Variants in COL24A1 observed in about 807,000 individuals in gnomAD.
COL24A1 encodes the protein collagen alpha-1(XXIV) chain.
In COL24A1, 224 loss-of-function variants were observed where a neutral mutation model predicts 253.9. That is an observed-to-expected ratio of 0.88 (90% CI 0.79 to 0.99). The LOEUF is 0.99. Among genes scored for constraint, COL24A1 ranks in the 50% least tolerant of loss-of-function variants. COL24A1 has a pLI of 0.00. For synonymous variants in COL24A1, 685 were observed against 673.7 expected (o/e 1.02, Z -0.26); for missense variants, 2,131 against 2,068.5 (o/e 1.03, Z -0.59).
chr1:86,150,599 C>A (rs556657595), intron 1 of COL24A1, among the ~76,000 whole-genome samples: 2 of 151,376 alleles, frequency 1.3e-5, no homozygotes, highest in African/African-American at 2.4e-5. Flanking sequence ...TTTTAGCTTT[C>A]TTGTCTCTGA....
At chr1:86,029,218 C>T (rs949377707) in intron 14 of COL24A1, among the ~76,000 whole-genome samples, 1 of 151,576 alleles carries the variant, frequency 6.6e-6, no homozygotes, top group African/African-American at 2.4e-5. Context: ...AGATAATATA[C>T]ACATAAGGGA....
intron 28 of COL24A1, among the ~76,000 whole-genome samples, chr1:85,904,220 A>G (rs568333588): frequency 6.6e-6 from 1 of 152,296 alleles, no homozygotes; most frequent in Non-Finnish European, 1.5e-5. Flanking sequence ...GTATGCCTCT[A>G]TACTGCCCCT....
chr1:85,843,783 G>T (rs879736134), intron 39 of COL24A1, among the ~76,000 whole-genome samples: 1 of 152,092 alleles, frequency 6.6e-6, no homozygotes. Flanking sequence ...AAGTGAATGC[G>T]TGTGGAAACT....
intron 12 of COL24A1, among the ~76,000 whole-genome samples, chr1:86,035,531 G>A (rs1250845889): frequency 6.6e-6 from 1 of 152,058 alleles, no homozygotes; most frequent in African/African-American, 2.4e-5. Context: ...AAATCCACAG[G>A]GACATAAAGT....
chr1:85,992,157 G>C (rs1199387527), intron 19 of COL24A1, among the ~76,000 whole-genome samples: 1 of 151,798 alleles, frequency 6.6e-6, no homozygotes, highest in East Asian at 1.9e-4. Flanking sequence ...CCACCTATGA[G>C]TGAGAACATG....
intron 8 of COL24A1, among the ~76,000 whole-genome samples, chr1:86,062,606 G>C (rs1392804952): frequency 6.6e-6 from 1 of 151,986 alleles, no homozygotes; most frequent in Non-Finnish European, 1.5e-5. Flanking sequence ...GAAGTATCAG[G>C]TTTCCTCCAT....
chr1:86,040,928 G>A (rs1699430512), intron 12 of COL24A1, among the ~76,000 whole-genome samples: 1 of 152,130 alleles, frequency 6.6e-6, no homozygotes, highest in Non-Finnish European at 1.5e-5. Flanking sequence ...GTATGTATCT[G>A]AGATGCTACT....
intron 53 of COL24A1, among the ~76,000 whole-genome samples, chr1:85,770,789 A>T (rs1037118848): frequency 6.6e-6 from 1 of 152,194 alleles, no homozygotes; most frequent in African/African-American, 2.4e-5. Context: ...AGTATAAGCT[A>T]CTTTGGTCAC....
At chr1:86,043,492 A>C (rs184856560) in intron 12 of COL24A1, among the ~76,000 whole-genome samples, 3 of 152,248 alleles carry the variant, frequency 2.0e-5, no homozygotes, top group Admixed American at 2.0e-4. Context: ...GCAGCACTAC[A>C]ATGAAACATC....
At chr1:85,797,507 G>T (rs1480714744) in intron 47 of COL24A1, among the ~76,000 whole-genome samples, 1 of 152,152 alleles carries the variant, frequency 6.6e-6, no homozygotes, top group African/African-American at 2.4e-5. Flanking sequence ...GTACACAAAG[G>T]CCAGAAAGTG....
chr1:85,843,799 C>T (rs549962913), intron 39 of COL24A1, among the ~76,000 whole-genome samples: 8 of 152,040 alleles, frequency 5.3e-5, no homozygotes, highest in Middle Eastern at 3.4e-3. Context: ...AAACTGTTGC[C>T]CCAAAAGCAG....
chr1:86,075,993 A>G (rs1439311781), intron 7 of COL24A1, among the ~76,000 whole-genome samples: 1 of 152,230 alleles, frequency 6.6e-6, no homozygotes, highest in East Asian at 1.9e-4. Flanking sequence ...CAAAACAAGG[A>G]TGCCCTCTCT....
Position 85,826,968 on chromosome 1 carries a change from T to A in COL24A1, c.3682-3230A>T, listed in dbSNP as rs1674441392. Among the ~76,000 whole-genome samples, 3 of 152,012 alleles carry A rather than the reference T, an allele frequency of 2.0e-5. 1 individual carries two copies. The South Asian group carries it at 6.2e-4, about 32-fold the overall frequency. ...CCAGAACTTCCAACACTATGTTGAA[T>A]AGGAGTGGTGAGAGAGGGCATCCCT... On this transcript the variant is annotated intron_variant, in intron 43 of 59. Coordinates refer to ENST00000370571, the MANE Select transcript of COL24A1 (RefSeq NM_152890.7).
rs1386288702 is a variant in COL24A1 at position 86,143,465 on chromosome 1, A to G, written c.121+2654T>C. Among the ~76,000 whole-genome samples, 8 of 152,300 alleles carry G rather than the reference A, an allele frequency of 5.3e-5. No individual in the cohort carries two copies. The East Asian group carries it at 1.5e-3, about 29-fold the overall frequency. Reference sequence around the variant, plus strand: ...TCACAAGAAAAAAATATAAACGTACATGGCTCAGTGATAAAAAAATATACA... The same window carrying G: ...TCACAAGAAAAAAATATAAACGTACGTGGCTCAGTGATAAAAAAATATACA... On this transcript the variant is annotated intron_variant, in intron 2 of 59. Coordinates refer to ENST00000370571, the MANE Select transcript of COL24A1 (RefSeq NM_152890.7).
chr1:85,788,154 G>A (rs1056556120), intron 47 of COL24A1, among the ~76,000 whole-genome samples: 34 of 151,860 alleles, frequency 2.2e-4, no homozygotes, highest in Non-Finnish European at 4.1e-4. Flanking sequence ...GCAGTGGTGC[G>A]ATCTCGGCTC....
intron 19 of COL24A1, among the ~76,000 whole-genome samples, chr1:86,008,768 T>TA (rs745981747): frequency 6.0e-5 from 9 of 149,470 alleles, no homozygotes; most frequent in Middle Eastern, 3.5e-3. Context: ...CAAAACGAAC[T>TA]AAAAAAAAAG....
intron 38 of COL24A1, among the ~76,000 whole-genome samples, chr1:85,848,402 T>C (rs991746343): frequency 1.3e-5 from 2 of 152,156 alleles, no homozygotes; most frequent in Non-Finnish European, 2.9e-5. Context: ...CTCTGCCTCC[T>C]GGATTCAAGC....
intron 58 of COL24A1, among the ~76,000 whole-genome samples, chr1:85,737,167 G>A (rs528273323): frequency 5.5e-4 from 84 of 152,272 alleles, no homozygotes; most frequent in Middle Eastern, 6.8e-3. Context: ...ATGATCAGTA[G>A]GGTAAGGCAA....
intron 11 of COL24A1, among the ~76,000 whole-genome samples, 184 bp from the exon 12 acceptor site, chr1:86,047,053 T>A (rs1699961244): frequency 6.6e-6 from 1 of 152,182 alleles, no homozygotes; most frequent in Non-Finnish European, 1.5e-5. Context: ...CTTTCCTTCT[T>A]CAAAACAAAA....
Sources: allele counts gnomAD v4.1 joint callset (sites outside exome capture counted in the v4.1 genomes callset), GRCh38; gene constraint gnomAD v4.1.1; transcripts MANE v1.5; gene names NCBI Gene and HGNC (gene_info 2026-07-23, HGNC 2026-07-21).